The following FAM135A variants were observed in gnomAD, a reference collection of about 807,000 sequenced individuals.
FAM135A encodes the protein family with sequence similarity 135 member A.
A neutral mutation model predicts 146.8 loss-of-function variants in FAM135A; 79 were observed. The observed-to-expected ratio is 0.54, with a 90% CI of 0.45 to 0.65. The LOEUF (loss-of-function observed/expected upper bound fraction) is 0.65, where lower values mean the gene tolerates loss of function less well. Among genes scored for constraint, FAM135A ranks in the 30% least tolerant of loss-of-function variants. The pLI is 0.00. For missense variants in FAM135A, 1,623 were observed against 1,758.2 expected (o/e 0.92, Z 1.38); for synonymous variants, 562 against 603.6 (o/e 0.93, Z 1.01).
At chr6:70,432,927 T>A (rs1772012805) in intron 4 of FAM135A, among the ~76,000 whole-genome samples, 1 of 152,028 alleles carries the variant, frequency 6.6e-6, no homozygotes, top group Non-Finnish European at 1.5e-5. Flanking sequence ...TGTAGGGACT[T>A]TTTTTAGAGT....
intron 4 of FAM135A, among the ~76,000 whole-genome samples, chr6:70,445,473 G>A (rs1352299285): frequency 6.6e-6 from 1 of 152,152 alleles, no homozygotes; most frequent in Non-Finnish European, 1.5e-5. Context: ...TCAGAGCTGA[G>A]TGCCCTGAAC....
intron 10 of FAM135A, among the ~76,000 whole-genome samples, chr6:70,488,133 A>G (rs895430933): frequency 1.3e-5 from 2 of 152,196 alleles, no homozygotes; most frequent in South Asian, 2.1e-4. Context: ...TACAGGTACA[A>G]GCATGTTTAT....
Position 70,525,525 on chromosome 6 carries a change from A to T in FAM135A, c.2441A>T (p.Asn814Ile), listed in dbSNP as rs767513665. The T allele has an allele frequency of 8.1e-6, 13 of 1,612,448 alleles. No homozygotes were observed. In the Admixed American group the frequency reaches 2.2e-4, roughly 27 times the overall value. ...FPQLLMKPDY[N>I]VKFSLGNHCT... ...CAGCTTTTGATGAAACCTGATTATAATGTAAAATTTTCATTAGGAAATCAT... is the reference window on the plus strand; with the variant it reads ...CAGCTTTTGATGAAACCTGATTATATTGTAAAATTTTCATTAGGAAATCAT... Residue 814 changes from asparagine (N) to isoleucine (I), a missense_variant, in exon 15 of 22, where the codon AAT becomes ATT. Asn to Ile is a moderately radical substitution (Grantham distance 149). Coordinates refer to ENST00000418814, the MANE Select transcript of FAM135A (RefSeq NM_001162529.3).
intron 10 of FAM135A, among the ~76,000 whole-genome samples, chr6:70,482,851 T>G (rs1280830246): frequency 6.6e-6 from 1 of 152,130 alleles, no homozygotes; most frequent in Non-Finnish European, 1.5e-5. Flanking sequence ...TTTATGTCAG[T>G]TTTATTAGCT....
rs768090571 is a variant in FAM135A at position 70,536,228 on chromosome 6, G to C, written c.3966-32G>C. The C allele has an allele frequency of 1.9e-6, 3 of 1,558,858 alleles. No homozygotes were observed. The African/African-American group carries it at 4.2e-5, about 22-fold the overall frequency. On this transcript the variant is annotated intron_variant, in intron 18 of 21. Transcript: ENST00000418814. ...GATTTTTGTTTCTAAAACTAATGCT[G>C]TGAGAAAATTAATTTTTTTTTCCTC...
intron 4 of FAM135A, among the ~76,000 whole-genome samples, chr6:70,443,765 A>G (rs1185807376): frequency 1.3e-5 from 2 of 150,382 alleles, no homozygotes; most frequent in Admixed American, 6.6e-5. Flanking sequence ...TCATCTTTCT[A>G]TTGGTTGATT....
At position 70,473,291 on chromosome 6, in the gene FAM135A, G is replaced by A. The variant is rs936340468; in HGVS notation, c.158-2119G>A. The stretch of plus-strand genomic sequence containing the variant: ...AACCAACCATTTCTACAAAGCTGTG[G>A]ATCCTTTTAGTGGAGGATAGTACTA... On this transcript the variant is annotated intron_variant, in intron 5 of 21. Coordinates refer to ENST00000418814, the MANE Select transcript of FAM135A (RefSeq NM_001162529.3). Among the ~76,000 whole-genome samples, 7 of 152,260 alleles carry A rather than the reference G, an allele frequency of 4.6e-5. No individual in the cohort carries two copies. In the East Asian group the frequency reaches 9.6e-4, roughly 21 times the overall value.
chr6:70,552,441 G>A (rs1461523247), intron 20 of FAM135A, among the ~76,000 whole-genome samples: 1 of 148,620 alleles, frequency 6.7e-6, no homozygotes, highest in Non-Finnish European at 1.5e-5. Flanking sequence ...AGAGGAGGTA[G>A]TAAAGGGGGA....
intron 4 of FAM135A, among the ~76,000 whole-genome samples, chr6:70,432,977 C>G (rs1292999636): frequency 2.0e-5 from 3 of 151,462 alleles, no homozygotes; most frequent in Non-Finnish European, 4.4e-5. Flanking sequence ...AAAACTTATA[C>G]AGTTTATAAA....
intron 8 of FAM135A, among the ~76,000 whole-genome samples, chr6:70,479,404 G>T (rs909143543): frequency 6.6e-6 from 1 of 152,188 alleles, no homozygotes; most frequent in Non-Finnish European, 1.5e-5. Context: ...GCTCTGGTTA[G>T]TGACTAGAAA....
At chr6:70,496,994 T>C (rs1787431090) in intron 11 of FAM135A, among the ~76,000 whole-genome samples, 1 of 152,160 alleles carries the variant, frequency 6.6e-6, no homozygotes, top group South Asian at 2.1e-4. Context: ...TACGGTCTCT[T>C]TTTTGGTTCC....
At chr6:70,545,933 A>T (rs866663945) in intron 20 of FAM135A, among the ~76,000 whole-genome samples, 22 of 152,204 alleles carry the variant, frequency 1.4e-4, no homozygotes, top group Admixed American at 5.2e-4. Context: ...GGAACTTAAA[A>T]AGCTACTTCT....
chr6:70,508,670 A>G (rs997440251), intron 12 of FAM135A, among the ~76,000 whole-genome samples: 2 of 152,154 alleles, frequency 1.3e-5, no homozygotes, highest in African/African-American at 4.8e-5. Flanking sequence ...CAGAGACATG[A>G]TGGTTACATC....
intron 2 of FAM135A, among the ~76,000 whole-genome samples, chr6:70,424,167 CCT>C (rs1769509408): frequency 6.6e-6 from 1 of 152,178 alleles, no homozygotes; most frequent in African/African-American, 2.4e-5. Flanking sequence ...CTTACATTAA[CCT>C]CTGTGGCCAC....
At chr6:70,448,960 G>A (rs756778108) in intron 4 of FAM135A, among the ~76,000 whole-genome samples, 1 of 152,128 alleles carries the variant, frequency 6.6e-6, no homozygotes. Context: ...GGGTGTTATG[G>A]CCATCACATG....
At chr6:70,480,620 A>G (rs1049486040) in intron 8 of FAM135A, among the ~76,000 whole-genome samples, 1 of 152,012 alleles carries the variant, frequency 6.6e-6, no homozygotes, top group Non-Finnish European at 1.5e-5. Context: ...TTGTTTAGCT[A>G]CTCTAAATCC....
At chr6:70,515,583 G>C (rs1055419634) in intron 12 of FAM135A, among the ~76,000 whole-genome samples, 1 of 152,090 alleles carries the variant, frequency 6.6e-6, no homozygotes, top group Admixed American at 6.6e-5. Flanking sequence ...AAAAAGATCC[G>C]GGTTGTCAGG....
At chr6:70,478,756 C>T (rs1179203836) in intron 8 of FAM135A, among the ~76,000 whole-genome samples, 1 of 151,966 alleles carries the variant, frequency 6.6e-6, no homozygotes, top group East Asian at 1.9e-4. Flanking sequence ...GGTAGTTTTG[C>T]TGTCTTTTTC....
intron 20 of FAM135A, among the ~76,000 whole-genome samples, chr6:70,553,392 T>A (rs1162059211): frequency 2.0e-5 from 3 of 152,236 alleles, no homozygotes; most frequent in Non-Finnish European, 4.4e-5. Context: ...TAGTCCAATG[T>A]GTCCTTTATT....
Sources: gnomAD v4.1 joint callset for allele counts (sites outside exome capture counted in the v4.1 genomes callset) on GRCh38, gnomAD v4.1.1 for gene constraint, MANE v1.5 for transcripts, NCBI Gene and HGNC (gene_info 2026-07-23, HGNC 2026-07-21) for gene names.